TRMT1: variants seen among roughly 807,000 people sequenced by gnomAD.
TRMT1 encodes the protein tRNA methyltransferase 1, also known as tRNA (guanine(26)-N(2))-dimethyltransferase.
Under a neutral mutation model 75.4 loss-of-function variants are expected in TRMT1, and 63 were observed. The ratio of observed to expected loss-of-function variants is 0.84; its 90% CI spans 0.68 to 1.03. The LOEUF is 1.03. Among genes scored for constraint, TRMT1 ranks in the 50% least tolerant of loss-of-function variants. TRMT1 has a pLI of 0.00. For missense variants in TRMT1, 870 were observed against 905.3 expected (o/e 0.96, Z 0.50); for synonymous variants, 382 against 358.1 (o/e 1.07, Z -0.75).
rs1009240169 is a variant in TRMT1 at position 13,109,509 on chromosome 19, C to G, written c.1311+41G>C. On this transcript the variant is annotated intron_variant, in intron 11 of 16. Transcript: ENST00000357720. ...ATGGGCATGAGTGGAGATGGACGGG[C>G]ACAGGTGGAGCCCCCTTCCCCGTCA... 2.5e-6 allele frequency: 4 copies of G among 1,614,022 alleles called. No homozygotes were observed. In the Admixed American group the frequency reaches 5.0e-5, roughly 20 times the overall value.
chr19:13,112,810 C>A lies in TRMT1; in HGVS notation c.765G>T (p.Leu255=). 2 of 1,614,198 alleles carry A rather than the reference C, an allele frequency of 1.2e-6. No individual in the cohort carries two copies. Among genetic ancestry groups the A allele is most frequent in the Non-Finnish European group, 1.7e-6 (2 of 1,180,016 alleles). The change falls in exon 7 of 17, where the codon CTG becomes CTT. Residue 255 remains leucine, a synonymous_variant. Transcript: ENST00000357720. The part of the protein sequence containing the change: ...AVQAVSEGGL[L]CVTCTDMAVL... ...CCGCCATGTCTGTGCAGGTCACACA[C>A]AGCAACCCTGCAGAGAGGGGCTGGG...
chr19:13,113,928 A>G (rs1365684546), intron 5 of TRMT1, among the ~76,000 whole-genome samples: 2 of 151,874 alleles, frequency 1.3e-5, no homozygotes, highest in African/African-American at 4.8e-5. Flanking sequence ...AAATTTTTGT[A>G]GAGACGGGTT....
At chr19:13,106,510 C>T (rs1433064542) in intron 14 of TRMT1, among the ~76,000 whole-genome samples, 2 of 152,298 alleles carry the variant, frequency 1.3e-5, no homozygotes, top group South Asian at 2.1e-4. Context: ...TGGAGTCTCA[C>T]TCTGTCGCCC....
chr19:13,116,475 C>A (rs1193356516), intron 1 of TRMT1, 44 bp from the exon 2 acceptor site: 2 of 1,528,938 alleles, frequency 1.3e-6, no homozygotes, highest in South Asian at 2.5e-5. Context: ...GTCAGAGAGC[C>A]GCATTCCGGG....
Position 13,115,641 on chromosome 19 carries a change from C to A in TRMT1, c.438G>T (p.Val146=), listed in dbSNP as rs367742223. The change falls in exon 4 of 17, where the codon GTG becomes GTT. Residue 146 remains valine, a synonymous_variant. Coordinates refer to ENST00000357720, the MANE Select transcript of TRMT1 (RefSeq NM_001136035.4). ...CAGGCCCCACCTCACAGATCTCCCCCACGGCCGCTGTGCGAGGTTGGTCTC... is the reference window on the plus strand; with the variant it reads ...CAGGCCCCACCTCACAGATCTCCCCAACGGCCGCTGTGCGAGGTTGGTCTC... ...ASGDQPRTAA[V]GEICEEGLHV... is the part of the protein sequence containing the mutation. 1.0e-4 allele frequency: 167 copies of A among 1,613,886 alleles called. 2 individuals are homozygous for A. In the South Asian group the frequency reaches 1.2e-3, roughly 12 times the overall value.
At position 13,115,477 on chromosome 19, in the gene TRMT1, A is replaced by G; in HGVS notation, c.454-11T>C. ...CACATGCAGGCCTTCCTGTTGGAGT[A>G]AGCAGAAAACCTCCCTCACATCTCC... On this transcript the variant is annotated splice_polypyrimidine_tract_variant and intron_variant, in intron 4 of 16. Transcript: ENST00000357720. 1 of 1,609,614 alleles carries G rather than the reference A, an allele frequency of 6.2e-7. No homozygotes were observed. The highest frequency in any genetic ancestry group is 8.5e-7 in the Non-Finnish European group (1 of 1,177,522).
intron 14 of TRMT1, among the ~76,000 whole-genome samples, chr19:13,105,879 T>G (rs1245261304): frequency 6.6e-6 from 1 of 151,970 alleles, no homozygotes. Context: ...CTGGCCAACA[T>G]GGTGAAACCC....
rs761528105 is a variant in TRMT1 at position 13,110,499 on chromosome 19, T to C, written c.871-193A>G. 2.6e-5 allele frequency among the ~76,000 whole-genome samples: 4 copies of C among 152,174 alleles called. No homozygotes were observed. The South Asian group carries it at 8.3e-4, about 31-fold the overall frequency. ...TGCCTCAGTTTCTTCATCTGCAAAA[T>C]CACAACAGTCCCTGTCTGTGGCACT... On this transcript the variant is annotated intron_variant, in intron 7 of 16. Transcript: ENST00000357720.
chr19:13,112,465 T>C (rs2019177419), intron 7 of TRMT1, among the ~76,000 whole-genome samples: 1 of 152,186 alleles, frequency 6.6e-6, no homozygotes, highest in South Asian at 2.1e-4. Context: ...ACTAAAATAA[T>C]GTGGCCATGC....
intron 10 of TRMT1, 33 bp from the exon 11 acceptor site, chr19:13,109,717 C>G (rs1568365181): frequency 6.2e-7 from 1 of 1,614,004 alleles, no homozygotes; most frequent in Non-Finnish European, 8.5e-7. Context: ...TGAGCAGGGA[C>G]TATGACCTTC....
At chr19:13,110,384 G>A (rs1256765648) in intron 7 of TRMT1, 78 bp from the exon 8 acceptor site, 25 of 1,468,234 alleles carry the variant, frequency 1.7e-5, no homozygotes, top group South Asian at 1.3e-4. Context: ...GTACTCACAA[G>A]TACAGGCTCA....
rs376175486 is a variant in TRMT1 at position 13,109,516 on chromosome 19, G to A, written c.1311+34C>T. On this transcript the variant is annotated intron_variant, in intron 11 of 16. Coordinates refer to ENST00000357720, the MANE Select transcript of TRMT1 (RefSeq NM_001136035.4). ...TGAGTGGAGATGGACGGGCACAGGT[G>A]GAGCCCCCTTCCCCGTCACAGCCCG... The A allele has an allele frequency of 1.9e-6, 3 of 1,613,868 alleles. No individual in the cohort carries two copies. In the African/African-American group the frequency reaches 4.0e-5, roughly 22 times the overall value.
In TRMT1 at chr19:13,116,303, T is replaced by A. The variant is rs1165328398; in HGVS notation, c.97A>T (p.Asn33Tyr). 1.9e-6 allele frequency: 3 copies of A among 1,614,044 alleles called. No homozygotes were observed. The South Asian group carries it at 3.3e-5, about 18-fold the overall frequency. Residue 33 changes from asparagine (N) to tyrosine (Y), a missense_variant, in exon 2 of 17, where the codon AAT becomes TAT. Asn to Tyr is a moderately radical substitution (Grantham distance 143). Transcript: ENST00000357720. ...GTGCCGTTCTCCATCGCTGCTGTAT[T>A]CGGCAGCCCTGGAGACTGCCACTCG... ...FFEWQSPGLP[N>Y]TAAMENGTGP...
intron 5 of TRMT1, 38 bp downstream of exon 5, chr19:13,115,241 G>T (rs769480356): frequency 1.3e-6 from 2 of 1,571,516 alleles, no homozygotes; most frequent in Non-Finnish European, 1.7e-6. Flanking sequence ...CCCCAGGCAG[G>T]CTTGTCCCAG....
chr19:13,105,629 T>C (rs747739128), intron 14 of TRMT1, 23 bp from the exon 15 acceptor site: 1 of 1,603,168 alleles, frequency 6.2e-7, no homozygotes, highest in Non-Finnish European at 8.5e-7. Context: ...GGGTGGGGCG[T>C]TGGGGCTGGG....
chr19:13,114,507 A>G (rs2019257651), intron 5 of TRMT1, among the ~76,000 whole-genome samples: 1 of 152,188 alleles, frequency 6.6e-6, no homozygotes. Flanking sequence ...TCTACTATAA[A>G]TACAGGTGGG....
Position 13,113,142 on chromosome 19 carries a change from G to A in TRMT1, c.642-131C>T, listed in dbSNP as rs940157011. On this transcript the variant is annotated intron_variant, in intron 5 of 16. Transcript: ENST00000357720. ...GGCCAGATTCCCAAGTTCAAGTCCT[G>A]GCTCAGTCATTTATTTATTTATTTA... is the stretch of plus-strand genomic sequence containing the variant. 5.8e-6 allele frequency: 3 copies of A among 514,252 alleles called. No individual in the cohort carries two copies. The Admixed American group carries it at 1.2e-4, about 21-fold the overall frequency. 31.9% of individuals were successfully genotyped at this position (514,252 alleles called of 1,614,324 possible). A position where few individuals can be genotyped will look rare whatever the true frequency, so the allele number is the denominator to read the frequency against.
intron 12 of TRMT1, among the ~76,000 whole-genome samples, chr19:13,108,720 G>A (rs904497785): frequency 3.3e-5 from 5 of 150,748 alleles, no homozygotes; most frequent in South Asian, 2.1e-4. Flanking sequence ...AGTGATTCTC[G>A]TGCCTCAGCC....
In TRMT1 at chr19:13,107,526, C is replaced by T. The variant is rs776566788; in HGVS notation, c.1583+48G>A. ...GTGTTGTCTGCACACACATGTGCTTCCATGTCTGTGGGCAGCCCTGGCCGC... is the reference window on the plus strand; with the variant it reads ...GTGTTGTCTGCACACACATGTGCTTTCATGTCTGTGGGCAGCCCTGGCCGC... On this transcript the variant is annotated intron_variant, in intron 14 of 16. Transcript: ENST00000357720. 17 of 1,552,382 alleles carry T rather than the reference C, an allele frequency of 1.1e-5. No individual in the cohort carries two copies. The South Asian group carries it at 1.9e-4, about 17-fold the overall frequency.
Sources: gnomAD v4.1 joint callset for allele counts (sites outside exome capture counted in the v4.1 genomes callset) on GRCh38, gnomAD v4.1.1 for gene constraint, MANE v1.5 for transcripts, NCBI Gene and HGNC (gene_info 2026-07-23, HGNC 2026-07-21) for gene names.